CTNNA3: variants seen among roughly 807,000 people sequenced by gnomAD.
CTNNA3 encodes catenin alpha-3.
A neutral mutation model predicts 95.7 loss-of-function variants in CTNNA3; 76 were observed. The ratio of observed to expected loss-of-function variants is 0.79; its 90% CI spans 0.66 to 0.96. CTNNA3 has a LOEUF of 0.96. CTNNA3 is among the 40% of genes least tolerant of loss of function. The pLI is 0.00. For missense variants in CTNNA3, 1,191 were observed against 1,089.8 expected, an observed-to-expected ratio of 1.09 and a Z score of -1.31; for synonymous variants, 431 against 374.4, an observed-to-expected ratio of 1.15 and a Z score of -1.74.
intron 3 of CTNNA3, among the ~76,000 whole-genome samples, chr10:67,589,073 A>T (rs1388583984): frequency 6.6e-6 from 1 of 152,086 alleles, no homozygotes; most frequent in African/African-American, 2.4e-5. Flanking sequence ...AGAGAGAAAG[A>T]AATGTAAGGC....
chr10:66,615,857 G>A (rs1012876296), intron 10 of CTNNA3, among the ~76,000 whole-genome samples: 2 of 151,932 alleles, frequency 1.3e-5, no homozygotes, highest in African/African-American at 2.4e-5. Flanking sequence ...TCGTGCAATA[G>A]GTTGTATTTA....
At chr10:66,923,053 AC>A (rs1337692099) in intron 7 of CTNNA3, among the ~76,000 whole-genome samples, 4 of 152,158 alleles carry the variant, frequency 2.6e-5, no homozygotes, top group Non-Finnish European at 5.9e-5. Flanking sequence ...GGTCTTATTT[AC>A]TCACTCTAAT....
At chr10:65,935,971 T>C (rs901943827) in intron 17 of CTNNA3, among the ~76,000 whole-genome samples, 1 of 152,098 alleles carries the variant, frequency 6.6e-6, no homozygotes, top group Non-Finnish European at 1.5e-5. Flanking sequence ...AGAGTTTAGA[T>C]AGTGAGGTTT....
chr10:66,222,919 T>C (rs1001833288), intron 13 of CTNNA3, among the ~76,000 whole-genome samples: 4 of 152,150 alleles, frequency 2.6e-5, no homozygotes, highest in African/African-American at 9.6e-5. Context: ...AATACTCTTG[T>C]TTTTTAAAGT....
At chr10:66,022,612 C>T (rs1005467919) in intron 15 of CTNNA3, among the ~76,000 whole-genome samples, 2 of 111,204 alleles carry the variant, frequency 1.8e-5, no homozygotes, top group African/African-American at 5.5e-5. Flanking sequence ...CACACACACA[C>T]ACACACACAC....
intron 7 of CTNNA3, among the ~76,000 whole-genome samples, chr10:67,093,596 T>C (rs1857791110): frequency 6.6e-6 from 1 of 151,496 alleles, no homozygotes; most frequent in African/African-American, 2.4e-5. Context: ...TGCCAGCTGG[T>C]AGCCTCTCCA....
intron 13 of CTNNA3, among the ~76,000 whole-genome samples, chr10:66,221,890 C>T (rs914585371): frequency 6.6e-6 from 1 of 152,100 alleles, no homozygotes; most frequent in South Asian, 2.1e-4. Context: ...AGAATCAAAT[C>T]GCAATGCTTG....
rs187122496 is a variant in CTNNA3 at position 66,138,607 on chromosome 10, T to C, written c.1885-35358A>G. 4.7e-3 allele frequency among the ~76,000 whole-genome samples: 719 copies of C among 152,304 alleles called. 5 individuals carry two copies. Among genetic ancestry groups the C allele is most frequent in the African/African-American group, 0.016 (674 of 41,574 alleles). Reference sequence around the variant, plus strand: ...ACTTTGGGAGGCCGAGGTGGGCAGATCACCTGCCATCAGGAGTTTGAGACC... The same window carrying C: ...ACTTTGGGAGGCCGAGGTGGGCAGACCACCTGCCATCAGGAGTTTGAGACC... On this transcript the variant is annotated intron_variant, in intron 13 of 17. Coordinates refer to ENST00000433211, the MANE Select transcript of CTNNA3 (RefSeq NM_013266.4).
intron 5 of CTNNA3, among the ~76,000 whole-genome samples, chr10:67,463,607 ATCTGGTTT>A: frequency 6.6e-6 from 1 of 152,160 alleles, no homozygotes; most frequent in East Asian, 1.9e-4. Context: ...TACATAAAAG[ATCTGGTTT>A]TCTGGGAGCC....
chr10:67,146,440 A>T (rs1589793613), intron 7 of CTNNA3, among the ~76,000 whole-genome samples: 1 of 152,326 alleles, frequency 6.6e-6, no homozygotes, highest in East Asian at 1.9e-4. Flanking sequence ...AGGAATCTAG[A>T]CGAACATTTT....
intron 1 of CTNNA3, among the ~76,000 whole-genome samples, chr10:67,664,298 T>G (rs570018938): frequency 2.8e-4 from 42 of 152,330 alleles, no homozygotes; most frequent in African/African-American, 9.9e-4. Flanking sequence ...AATTTTTTTC[T>G]GAACATTTGG....
chr10:67,760,545 C>T (rs1841456837), intron 1 of CTNNA3, among the ~76,000 whole-genome samples: 1 of 152,184 alleles, frequency 6.6e-6, no homozygotes. Context: ...GACTACCACA[C>T]ACTTAGTCTA....
chr10:66,570,946 T>C (rs939675692), intron 10 of CTNNA3, among the ~76,000 whole-genome samples: 7 of 152,314 alleles, frequency 4.6e-5, no homozygotes, highest in African/African-American at 1.7e-4. Flanking sequence ...CCTGATGTTC[T>C]CCTAATACAC....
intron 12 of CTNNA3, among the ~76,000 whole-genome samples, chr10:66,356,323 A>T (rs1390236631): frequency 1.3e-5 from 2 of 151,954 alleles, no homozygotes; most frequent in Non-Finnish European, 2.9e-5. Context: ...CAATAATGGA[A>T]CATGATACAT....
intron 3 of CTNNA3, among the ~76,000 whole-genome samples, chr10:67,576,349 T>C (rs1842143926): frequency 6.6e-6 from 1 of 152,142 alleles, no homozygotes. Context: ...TCTGGGAATT[T>C]ATTTAACTAC....
At chr10:67,105,440 AACCATATGAGTAATT>A (rs1564894206) in intron 7 of CTNNA3, among the ~76,000 whole-genome samples, 1 of 152,150 alleles carries the variant, frequency 6.6e-6, no homozygotes, top group Non-Finnish European at 1.5e-5. Flanking sequence ...TTGCTGCTTC[AACCATATGAGTAATT>A]ACATTAATTC....
chr10:66,447,526 C>G (rs2093431697), intron 11 of CTNNA3, among the ~76,000 whole-genome samples: 1 of 150,846 alleles, frequency 6.6e-6, no homozygotes, highest in South Asian at 2.1e-4. Context: ...TGCCACATAT[C>G]TACAACCCTC....
chr10:66,768,720 A>G (rs1371243212), intron 8 of CTNNA3, among the ~76,000 whole-genome samples: 1 of 152,114 alleles, frequency 6.6e-6, no homozygotes, highest in Non-Finnish European at 1.5e-5. Flanking sequence ...ATAATCTAGT[A>G]GAAGAGTGAA....
Position 66,042,899 on chromosome 10 carries a change from C to CAAAAAAAAAAAAAAAAA in CTNNA3, c.2159+26392_2159+26408dup. ...TGGGTGACTGAGCGAGACTCTGTCT[C>CAAAAAAAAAAAAAAAAA]AAAAAAAAAAAAAAAAAAAAAAAAA... On this transcript the variant is annotated intron_variant, in intron 15 of 17. Transcript: ENST00000433211. 6.7e-3 allele frequency among the ~76,000 whole-genome samples: 336 copies of CAAAAAAAAAAAAAAAAA among 50,420 alleles called. 16 individuals are homozygous for CAAAAAAAAAAAAAAAAA. Among genetic ancestry groups the CAAAAAAAAAAAAAAAAA allele is most frequent in the Middle Eastern group, 0.023 (1 of 44 alleles). The allele number at this position is 50,420 out of a possible 152,430, so 33.1% of individuals were successfully genotyped here.
Sources: allele counts gnomAD v4.1 joint callset (sites outside exome capture counted in the v4.1 genomes callset), GRCh38; gene constraint gnomAD v4.1.1; transcripts MANE v1.5; gene names NCBI Gene and HGNC (gene_info 2026-07-23, HGNC 2026-07-21).